The following ZBTB47 variants were observed in gnomAD, a reference collection of about 807,000 sequenced individuals.
ZBTB47 encodes the protein zinc finger and BTB domain containing 47.
In ZBTB47, 24 loss-of-function variants were observed where a neutral mutation model predicts 56.6. The observed-to-expected ratio is 0.42, with a 90% confidence interval of 0.31 to 0.60. ZBTB47 has a LOEUF of 0.60. Among genes scored for constraint, ZBTB47 ranks in the 20% least tolerant of loss-of-function variants. ZBTB47 has a pLI of 0.14. For synonymous variants in ZBTB47, 414 were observed against 418.9 expected (o/e 0.99, Z 0.14); for missense variants, 829 against 1,032.6 (o/e 0.80, Z 2.70).
Position 42,664,607 on chromosome 3 carries a change from C to T in ZBTB47, c.*9C>T. The T allele has an allele frequency of 1.4e-6, 2 of 1,410,190 alleles. No individual in the cohort carries two copies. Among genetic ancestry groups the T allele is most frequent in the South Asian group, 1.6e-5 (1 of 63,802 alleles). 87.4% of individuals were successfully genotyped at this position (1,410,190 alleles called of 1,614,324 possible). On this transcript the variant is annotated 3_prime_UTR_variant, in exon 6 of 6. Transcript: ENST00000232974. ...TGAACGCCAACAACTAGCTGCCGAG[C>T]TGCACCCGTGCACCCGCTGGGGCCT...
chr3:42,658,267 C>A lies in ZBTB47; in HGVS notation c.-81-8C>A, dbSNP rs78646813. ...CTTGACCCACTCCTGTGCCCTCTGT[C>A]CCCGCAGTTGCTGGTTGAGAAGACA... is the stretch of plus-strand genomic sequence containing the variant. On this transcript the variant is annotated splice_polypyrimidine_tract_variant and splice_region_variant and intron_variant, in intron 1 of 5. Transcript: ENST00000232974. The A allele has an allele frequency of 0.048, 70,674 of 1,468,872 alleles. 2,217 individuals are homozygous for A. Among genetic ancestry groups the A allele is most frequent in the Non-Finnish European group, 0.053 (58,525 of 1,113,314 alleles). 91.0% of individuals were successfully genotyped at this position (1,468,872 alleles called of 1,614,324 possible).
At position 42,658,986 on chromosome 3, in the gene ZBTB47, G is replaced by A. The variant is rs1209826405; in HGVS notation, c.631G>A (p.Glu211Lys). The change falls in exon 2 of 6, where the codon GAG becomes AAG. Residue 211 changes from glutamate (E) to lysine (K), a missense_variant. Coordinates refer to ENST00000232974, the MANE Select transcript of ZBTB47 (RefSeq NM_145166.4). ...GGPPASLCKL[E>K]GGEELEEELG... ...GCCCCCAGCCAGCTTGTGCAAGCTG[G>A]AGGGTGGAGAAGAGTTGGAGGAAGA... 1 of 1,525,332 alleles carries A rather than the reference G, an allele frequency of 6.6e-7. No homozygotes were observed. Among genetic ancestry groups the A allele is most frequent in the Non-Finnish European group, 8.8e-7 (1 of 1,141,770 alleles). 94.5% of individuals were successfully genotyped at this position (1,525,332 alleles called of 1,614,324 possible).
rs754749105 is a variant in ZBTB47 at position 42,666,740 on chromosome 3, G to A, written c.*2142G>A. Among the ~76,000 whole-genome samples, 4 of 152,232 alleles carry A rather than the reference G, an allele frequency of 2.6e-5. No individual in the cohort carries two copies. The highest frequency in any genetic ancestry group is 4.8e-5 in the African/African-American group (2 of 41,470). On this transcript the variant is annotated 3_prime_UTR_variant, in exon 6 of 6. Coordinates refer to ENST00000232974, the MANE Select transcript of ZBTB47 (RefSeq NM_145166.4). ...TGACAAGCAGAGGTCAGAGACACTG[G>A]TGGGGAGCTGGCAATGAAACCCTGT... is the stretch of plus-strand genomic sequence containing the variant.
chr3:42,663,065 C>T lies in ZBTB47; in HGVS notation c.1675C>T (p.Arg559Cys), dbSNP rs1245487075. 5 of 1,613,912 alleles carry T rather than the reference C, an allele frequency of 3.1e-6. No individual in the cohort carries two copies. The South Asian group carries it at 3.3e-5, about 11-fold the overall frequency. The change falls in exon 4 of 6, where the codon CGC (arginine) becomes TGC (cysteine). Residue 559 changes from arginine (R) to cysteine (C), a missense_variant. Physicochemically the swap from Arg to Cys is radical, Grantham distance 180. Transcript: ENST00000232974. The surrounding 1 kb of genome is among the most constrained non-coding windows in gnomAD (Gnocchi z 5.1). ...TCETCGKSFK[R>C]SMSLKVHSLQ... Reference sequence around the variant, plus strand: ...CGAGACCTGCGGAAAGTCCTTCAAGCGCAGCATGTCCCTCAAGGTGCACTC... The same window carrying T: ...CGAGACCTGCGGAAAGTCCTTCAAGTGCAGCATGTCCCTCAAGGTGCACTC...
rs1480675163 is a variant in ZBTB47 at position 42,663,749 on chromosome 3, T to A, written c.1738-48T>A. On this transcript the variant is annotated intron_variant, in intron 4 of 5. Coordinates refer to ENST00000232974, the MANE Select transcript of ZBTB47 (RefSeq NM_145166.4). This position sits in a 1 kb window ranked among gnomAD's most constrained non-coding sequence, Gnocchi z 5.1. ...GGGGAGCTGTTCCCTCCACAAAGGCTGCTCTTCTGCTCTGTGCCTGGGCCT... is the reference window on the plus strand; with the variant it reads ...GGGGAGCTGTTCCCTCCACAAAGGCAGCTCTTCTGCTCTGTGCCTGGGCCT... 6.2e-7 allele frequency: 1 copy of A among 1,600,700 alleles called. No homozygotes were observed. Among genetic ancestry groups the A allele is most frequent in the Admixed American group, 1.7e-5 (1 of 59,588 alleles).
In ZBTB47 at chr3:42,659,032, A is replaced by G. The variant is rs1428592221; in HGVS notation, c.677A>G (p.Tyr226Cys). 3.3e-6 allele frequency: 5 copies of G among 1,530,350 alleles called. No individual in the cohort carries two copies. In the Admixed American group the frequency reaches 7.9e-5, roughly 24 times the overall value. 94.8% of individuals were successfully genotyped at this position (1,530,350 alleles called of 1,614,324 possible). A position where few individuals can be genotyped will look rare whatever the true frequency, so the allele number is the denominator to read the frequency against. Residue 226 changes from tyrosine (Y) to cysteine (C), a missense_variant, in exon 2 of 6, where the codon TAC becomes TGC. Physicochemically the swap from Tyr to Cys is radical, Grantham distance 194. Coordinates refer to ENST00000232974, the MANE Select transcript of ZBTB47 (RefSeq NM_145166.4). Reference protein sequence around the residue: ...LEEELGGSGTYSRREQSQIIV... With the variant: ...LEEELGGSGTCSRREQSQIIV... ...GAAGAGCTTGGGGGTTCTGGCACCTACAGCCGCAGGGAGCAATCCCAGATC... is the reference window on the plus strand; with the variant it reads ...GAAGAGCTTGGGGGTTCTGGCACCTGCAGCCGCAGGGAGCAATCCCAGATC...
rs554265048 is a variant in ZBTB47, at chr3:42,657,654, G to A, written c.-81-621G>A. 3.1e-3 allele frequency among the ~76,000 whole-genome samples: 467 copies of A among 152,322 alleles called. 1 individual carries two copies. The highest frequency in any genetic ancestry group is 4.9e-3 in the Admixed American group (75 of 15,306). The stretch of plus-strand genomic sequence containing the variant: ...TCTGCAGCAGCCACATGGCTGTTGC[G>A]ATGAGGGGTTCCCTCAGGTGCTACC... On this transcript the variant is annotated intron_variant, in intron 1 of 5. Transcript: ENST00000232974.
Position 42,657,168 on chromosome 3 carries a change from C to T in ZBTB47, c.-81-1107C>T, listed in dbSNP as rs146654563. ...TTTGGGGAGGCTGCTGTGGTAGAGC[C>T]GGGGTGACTGAGTTGGCTTCTATTC... On this transcript the variant is annotated intron_variant, in intron 1 of 5. Coordinates refer to ENST00000232974, the MANE Select transcript of ZBTB47 (RefSeq NM_145166.4). 2.4e-3 allele frequency among the ~76,000 whole-genome samples: 371 copies of T among 152,276 alleles called. 1 individual carries two copies. Among genetic ancestry groups the T allele is most frequent in the African/African-American group, 8.3e-3 (344 of 41,550 alleles).
At position 42,654,327 on chromosome 3, in the gene ZBTB47, G is replaced by A. The variant is rs1710609001; in HGVS notation, c.-82+444G>A. The A allele has an allele frequency of 6.6e-6, 1 of 151,436 alleles. No homozygotes were observed. Among genetic ancestry groups the A allele is most frequent in the Non-Finnish European group, 1.5e-5 (1 of 67,600 alleles). 9.4% of individuals were successfully genotyped at this position (151,436 alleles called of 1,614,324 possible). ...GCTGGAGCTGGGGCTGGGGGTGGAG[G>A]GCAGCCTGCGGCAGGGCGGGCTGCA... On this transcript the variant is annotated intron_variant, in intron 1 of 5. Transcript: ENST00000232974. The surrounding 1 kb of genome is among the most constrained non-coding windows in gnomAD (Gnocchi z 5.0).
chr3:42,656,353 T>C lies in ZBTB47; in HGVS notation c.-81-1922T>C, dbSNP rs1710642055. Among the ~76,000 whole-genome samples the C allele has an allele frequency of 6.6e-6, 1 of 152,166 alleles. No individual in the cohort carries two copies. Among genetic ancestry groups the C allele is most frequent in the Admixed American group, 6.5e-5 (1 of 15,284 alleles). ...AAGGAAGGGGTGGTCTTAGCGGAGC[T>C]GGGAGTCCAGGGGCTCTGGACTGTG... is the stretch of plus-strand genomic sequence containing the variant. On this transcript the variant is annotated intron_variant, in intron 1 of 5. Coordinates refer to ENST00000232974, the MANE Select transcript of ZBTB47 (RefSeq NM_145166.4). The surrounding 1 kb of genome is among the most constrained non-coding windows in gnomAD (Gnocchi z 5.8).
At position 42,659,471 on chromosome 3, in the gene ZBTB47, T is replaced by C. The variant is rs1710685379; in HGVS notation, c.1116T>C (p.Pro372=). 6.6e-7 allele frequency: 1 copy of C among 1,517,564 alleles called. No individual in the cohort carries two copies. Among genetic ancestry groups the C allele is most frequent in the African/African-American group, 1.4e-5 (1 of 71,760 alleles). 94.0% of individuals were successfully genotyped at this position (1,517,564 alleles called of 1,614,324 possible). ...GCCGAAGCAGCCGGGCAGACCCCCC[T>C]CCCCACAGTCACATGGCCACACGGT... ...RGSRSSRADP[P]PHSHMATRSR... The change falls in exon 2 of 6, where the codon CCT becomes CCC. Residue 372 remains proline, a synonymous_variant. Coordinates refer to ENST00000232974, the MANE Select transcript of ZBTB47 (RefSeq NM_145166.4).
In ZBTB47 at chr3:42,664,329, CCGT is replaced by C. The variant is rs770499271; in HGVS notation, c.1976_1978del (p.Pro659_Tyr660delinsHis). 1.2e-6 allele frequency: 2 copies of C among 1,613,256 alleles called. No individual in the cohort carries two copies. On this transcript the variant is annotated inframe_deletion, in exon 6 of 6. Transcript: ENST00000232974. ...CCGGCGCACGCACACGGGCGAGAAG[CCGT>C]ACCCGTGCGACGTGTGTGGCCAGCG...
rs1016968961 is a variant in ZBTB47, at chr3:42,654,014, G to A, written c.-82+131G>A. On this transcript the variant is annotated intron_variant, in intron 1 of 5. Transcript: ENST00000232974. The surrounding 1 kb of genome is among the most constrained non-coding windows in gnomAD (Gnocchi z 5.0). ...CTCACCCCCAGGTCAGAGCAGCCCA[G>A]GCGAGAGGGTGGGGGTGGTGAGCGC... 2 of 152,758 alleles carry A rather than the reference G, an allele frequency of 1.3e-5. No individual in the cohort carries two copies. The highest frequency in any genetic ancestry group is 2.9e-5 in the Non-Finnish European group (2 of 68,514). The allele number at this position is 152,758 out of a possible 1,614,324, so 9.5% of individuals were successfully genotyped here. A position where few individuals can be genotyped will look rare whatever the true frequency, so the allele number is the denominator to read the frequency against.
rs1328753129 is a variant in ZBTB47, at chr3:42,663,223, T to C, written c.1737+96T>C. 3 of 887,904 alleles carry C rather than the reference T, an allele frequency of 3.4e-6. No homozygotes were observed. Among genetic ancestry groups the C allele is most frequent in the Non-Finnish European group, 3.7e-6 (2 of 541,696 alleles). The allele number at this position is 887,904 out of a possible 1,614,324, so 55.0% of individuals were successfully genotyped here. On this transcript the variant is annotated intron_variant, in intron 4 of 5. Coordinates refer to ENST00000232974, the MANE Select transcript of ZBTB47 (RefSeq NM_145166.4). This position sits in a 1 kb window ranked among gnomAD's most constrained non-coding sequence, Gnocchi z 5.1. ...TGCTGAAAAACAAAGGGCTAGGGGG[T>C]GGAATGTAGTGTCCAGAAAGAGAGA... is the stretch of plus-strand genomic sequence containing the variant.
rs529640002 is a variant in ZBTB47 at position 42,663,008 on chromosome 3, G to A, written c.1622-4G>A. On this transcript the variant is annotated splice_region_variant and splice_polypyrimidine_tract_variant and intron_variant, in intron 3 of 5. Transcript: ENST00000232974. The surrounding 1 kb of genome is among the most constrained non-coding windows in gnomAD (Gnocchi z 5.1). ...ACATGATGGCCCTGGTGCCCACCTC[G>A]TAGCCCACACCAAGGACATGCCCTT... 1.1e-5 allele frequency: 18 copies of A among 1,611,656 alleles called. No homozygotes were observed. The highest frequency in any genetic ancestry group is 2.7e-5 in the African/African-American group (2 of 74,988).
intron 1 of ZBTB47, among the ~76,000 whole-genome samples, chr3:42,655,439 G>A (rs1710630500): frequency 6.6e-6 from 1 of 152,166 alleles, no homozygotes; most frequent in African/African-American, 2.4e-5. Context: ...AGGTGTAGAA[G>A]GCTCTGACTT....
At position 42,659,205 on chromosome 3, in the gene ZBTB47, G is replaced by A. The variant is rs138358868; in HGVS notation, c.850G>A (p.Glu284Lys). 4.6e-3 allele frequency: 6,807 copies of A among 1,479,238 alleles called. 22 individuals carry two copies. The highest frequency in any genetic ancestry group is 5.5e-3 in the Non-Finnish European group (6,102 of 1,111,108). 91.6% of individuals were successfully genotyped at this position (1,479,238 alleles called of 1,614,324 possible). Residue 284 changes from glutamate to lysine, a missense_variant, in exon 2 of 6, where the codon GAG becomes AAG. Glu to Lys is a moderately conservative substitution (Grantham distance 56, BLOSUM62 1). Transcript: ENST00000232974. ...RHSDEEEEDD[E>K]EEEEEEEEEE... ...CTCGGACGAGGAGGAGGAGGACGAC[G>A]AGGAGGAGGAGGAGGAAGAAGAGGA...
Position 42,658,865 on chromosome 3 carries a change from G to T in ZBTB47, c.510G>T (p.Gly170=). 6.6e-7 allele frequency: 1 copy of T among 1,523,990 alleles called. No individual in the cohort carries two copies. Among genetic ancestry groups the T allele is most frequent in the South Asian group, 1.2e-5 (1 of 82,196 alleles). The allele number at this position is 1,523,990 out of a possible 1,614,324, so 94.4% of individuals were successfully genotyped here. ...CTTACTCGGTGCGTGTTGAGGACGG[G>T]GCAGGGACTGCTGGTGGCACAGTGC... The part of the protein sequence containing the change: ...PDPYSVRVED[G]AGTAGGTVPA... Residue 170 remains glycine (G), a synonymous_variant, in exon 2 of 6, where the codon GGG becomes GGT. Coordinates refer to ENST00000232974, the MANE Select transcript of ZBTB47 (RefSeq NM_145166.4).
In ZBTB47 at chr3:42,663,950, G is replaced by A; in HGVS notation, c.1882+9G>A. 1 of 1,606,848 alleles carries A rather than the reference G, an allele frequency of 6.2e-7. No homozygotes were observed. The highest frequency in any genetic ancestry group is 1.1e-5 in the South Asian group (1 of 90,224). Reference sequence around the variant, plus strand: ...CATGAAGACCCACACAGGTGCGGCTGCCCCTGGGGACGGAGCTCGGTGCCG... The same window carrying A: ...CATGAAGACCCACACAGGTGCGGCTACCCCTGGGGACGGAGCTCGGTGCCG... On this transcript the variant is annotated intron_variant, in intron 5 of 5. Transcript: ENST00000232974. This position sits in a 1 kb window ranked among gnomAD's most constrained non-coding sequence, Gnocchi z 5.1.
Sources: gnomAD v4.1 joint callset for allele counts (sites outside exome capture counted in the v4.1 genomes callset) on GRCh38, gnomAD v4.1.1 for gene constraint, Gnocchi (gnomAD v3.1) non-coding constraint, MANE v1.5 for transcripts, NCBI Gene and HGNC (gene_info 2026-07-23, HGNC 2026-07-21) for gene names.